Variants in DVL3 observed in about 807,000 individuals in gnomAD.
The protein encoded by DVL3 is segment polarity protein dishevelled homolog DVL-3.
In DVL3, 27 loss-of-function variants were observed where a neutral mutation model predicts 67.4. That is an observed-to-expected ratio of 0.40 (90% CI 0.30 to 0.55). The LOEUF is 0.55. DVL3 is among the 20% of genes least tolerant of loss of function. The probability of loss-of-function intolerance (pLI) is 0.46; values close to 1 mark genes in which losing one functional copy is unlikely to be tolerated. For synonymous variants in DVL3, 369 were observed against 396.8 expected, an observed-to-expected ratio of 0.93 and a Z score of 0.83; for missense variants, 819 against 1,021.5, an observed-to-expected ratio of 0.80 and a Z score of 2.70.
chr3:184,170,679 C>G lies in DVL3; in HGVS notation c.2075C>G (p.Pro692Arg), dbSNP rs201792550. 1.9e-5 allele frequency: 30 copies of G among 1,613,438 alleles called. No individual in the cohort carries two copies. Among genetic ancestry groups the G allele is most frequent in the Non-Finnish European group, 2.5e-5 (29 of 1,179,798 alleles). ...GGCCGCGACCTGGCCTCAGTGCCCCCGGAACTGACCGCCAGCAGACAGTCC... is the reference window on the plus strand; with the variant it reads ...GGCCGCGACCTGGCCTCAGTGCCCCGGGAACTGACCGCCAGCAGACAGTCC... ...PPGRDLASVP[P>R]ELTASRQSFR... The change falls in exon 15 of 15, where the codon CCG becomes CGG. Residue 692 changes from proline to arginine, a missense_variant. This residue lies in a region of DVL3 where 324 missense variants were observed against 331.3 expected (regional missense o/e 0.98). Transcript: ENST00000313143. This position sits in a 1 kb window ranked among gnomAD's most constrained non-coding sequence, Gnocchi z 6.5.
chr3:184,164,232 T>G lies in DVL3; in HGVS notation c.232-35T>G. ...ACTATCCCCTTCTCCTTGATGCTCC[T>G]GTAACATACTACTCACTCAGTTTCT... On this transcript the variant is annotated intron_variant, in intron 2 of 14. Coordinates refer to ENST00000313143, the MANE Select transcript of DVL3 (RefSeq NM_004423.4). The surrounding 1 kb of genome is among the most constrained non-coding windows in gnomAD (Gnocchi z 5.3). 6.2e-7 allele frequency: 1 copy of G among 1,609,192 alleles called. No homozygotes were observed. Among genetic ancestry groups the G allele is most frequent in the Non-Finnish European group, 8.5e-7 (1 of 1,177,564 alleles).
chr3:184,158,023 A>T (rs1339495174), intron 1 of DVL3, among the ~76,000 whole-genome samples: 1 of 152,346 alleles, frequency 6.6e-6, no homozygotes, highest in East Asian at 1.9e-4. Context: ...TAGATAGCGT[A>T]ATAGTATCTC....
At position 184,170,482 on chromosome 3, in the gene DVL3, G is replaced by A; in HGVS notation, c.1878G>A (p.Gly626=). Residue 626 remains glycine, a synonymous_variant, in exon 15 of 15, where the codon GGG becomes GGA. Transcript: ENST00000313143. The surrounding 1 kb of genome is among the most constrained non-coding windows in gnomAD (Gnocchi z 6.5). ...AGCGGGCGCCCAGCGAGCGCTCAGG[G>A]CCGGCGGCCAGCGAGCACAGCCACC... ...PRERAPSERS[G]PAASEHSHRS... The A allele has an allele frequency of 1.3e-6, 2 of 1,593,656 alleles. No homozygotes were observed. The highest frequency in any genetic ancestry group is 1.7e-6 in the Non-Finnish European group (2 of 1,170,140).
chr3:184,170,469 G>A lies in DVL3; in HGVS notation c.1865G>A (p.Ser622Asn). The stretch of plus-strand genomic sequence containing the variant: ...CGGGGGCCGCGGGAGCGGGCGCCCA[G>A]CGAGCGCTCAGGGCCGGCGGCCAGC... ...SLRGPRERAP[S>N]ERSGPAASEH... Residue 622 changes from serine to asparagine, a missense_variant, in exon 15 of 15, where the codon AGC becomes AAC. Transcript: ENST00000313143. The surrounding 1 kb of genome is among the most constrained non-coding windows in gnomAD (Gnocchi z 6.5). 6.3e-7 allele frequency: 1 copy of A among 1,587,730 alleles called. No homozygotes were observed. The highest frequency in any genetic ancestry group is 8.6e-7 in the Non-Finnish European group (1 of 1,167,624).
In DVL3 at chr3:184,164,184, C is replaced by A. The variant is rs1024225999; in HGVS notation, c.232-83C>A. ...TATTTCCTGCTTCCTTCCTCTTAGGCCTTCATGCCTTGCTGGAAGTGAACT... is the reference window on the plus strand; with the variant it reads ...TATTTCCTGCTTCCTTCCTCTTAGGACTTCATGCCTTGCTGGAAGTGAACT... On this transcript the variant is annotated intron_variant, in intron 2 of 14. Coordinates refer to ENST00000313143, the MANE Select transcript of DVL3 (RefSeq NM_004423.4). This position sits in a 1 kb window ranked among gnomAD's most constrained non-coding sequence, Gnocchi z 5.3. 2 of 1,498,282 alleles carry A rather than the reference C, an allele frequency of 1.3e-6. No individual in the cohort carries two copies. The highest frequency in any genetic ancestry group is 1.8e-6 in the Non-Finnish European group (2 of 1,094,364). 92.8% of individuals were successfully genotyped at this position (1,498,282 alleles called of 1,614,324 possible). A position where few individuals can be genotyped will look rare whatever the true frequency, so the allele number is the denominator to read the frequency against.
rs1714503618 is a variant in DVL3, at chr3:184,164,549, T to A, written c.411T>A (p.Ser137=). 1 of 1,578,632 alleles carries A rather than the reference T, an allele frequency of 6.3e-7. No individual in the cohort carries two copies. The highest frequency in any genetic ancestry group is 8.6e-7 in the Non-Finnish European group (1 of 1,162,648). The change falls in exon 4 of 15, where the codon TCT becomes TCA. Residue 137 remains serine, a synonymous_variant. Coordinates refer to ENST00000313143, the MANE Select transcript of DVL3 (RefSeq NM_004423.4). This position sits in a 1 kb window ranked among gnomAD's most constrained non-coding sequence, Gnocchi z 5.3. ...ENLDNDTETD[S]LVSAQRERPR... ...TGGACAATGACACAGAGACGGACTC[T>A]TTGGTGTCTGCCCAGCGAGAGCGGC...
chr3:184,160,525 T>C (rs1213772979), intron 1 of DVL3, among the ~76,000 whole-genome samples: 2 of 131,574 alleles, frequency 1.5e-5, no homozygotes, highest in African/African-American at 5.6e-5. Flanking sequence ...TTGACTCCAT[T>C]TGGGGTATGA....
chr3:184,169,981 C>T (rs1453425609), intron 13 of DVL3, 25 bp from the exon 14 acceptor site: 18 of 1,576,142 alleles, frequency 1.1e-5, no homozygotes, highest in Admixed American at 8.7e-5. Flanking sequence ...AAAGACCTAG[C>T]TCCATCCGGC....
At position 184,165,302 on chromosome 3, in the gene DVL3, A is replaced by G; in HGVS notation, c.693+96A>G. On this transcript the variant is annotated intron_variant, in intron 6 of 14. Coordinates refer to ENST00000313143, the MANE Select transcript of DVL3 (RefSeq NM_004423.4). The surrounding 1 kb of genome is among the most constrained non-coding windows in gnomAD (Gnocchi z 4.1). ...GTTCTTCCTTAGATCCCATCCCCCT[A>G]GTGCAGTGTTGAGAACCTTGGGGCT... 2.0e-6 allele frequency: 3 copies of G among 1,535,386 alleles called. No individual in the cohort carries two copies. The highest frequency in any genetic ancestry group is 2.7e-6 in the Non-Finnish European group (3 of 1,124,464).
Position 184,165,951 on chromosome 3 carries a change from C to T in DVL3, c.764-175C>T, listed in dbSNP as rs1213116726. On this transcript the variant is annotated intron_variant, in intron 7 of 14. Coordinates refer to ENST00000313143, the MANE Select transcript of DVL3 (RefSeq NM_004423.4). The surrounding 1 kb of genome is among the most constrained non-coding windows in gnomAD (Gnocchi z 4.1). Reference sequence around the variant, plus strand: ...CTGCTCTGTAAAATGGGACTGAGTCCCTACCTTATAGCCAGCAAGGGTTCC... The same window carrying T: ...CTGCTCTGTAAAATGGGACTGAGTCTCTACCTTATAGCCAGCAAGGGTTCC... 5.3e-5 allele frequency among the ~76,000 whole-genome samples: 8 copies of T among 152,154 alleles called. No homozygotes were observed. The highest frequency in any genetic ancestry group is 5.2e-4 in the Admixed American group (8 of 15,272).
rs1157008624 is a variant in DVL3 at position 184,165,796 on chromosome 3, C to T, written c.763+305C>T. Among the ~76,000 whole-genome samples, 2 of 152,206 alleles carry T rather than the reference C, an allele frequency of 1.3e-5. No individual in the cohort carries two copies. The highest frequency in any genetic ancestry group is 2.9e-5 in the Non-Finnish European group (2 of 68,042). ...TGCTCTCCGATTTCTGCCCTAGGTA[C>T]TCTCTTTATGAGACAGCTGGATATA... On this transcript the variant is annotated intron_variant, in intron 7 of 14. Transcript: ENST00000313143. This position sits in a 1 kb window ranked among gnomAD's most constrained non-coding sequence, Gnocchi z 4.1.
chr3:184,166,437 C>T lies in DVL3; in HGVS notation c.904-9C>T, dbSNP rs201827143. ...ACAGCTGTTTATCCCACTCCTGGTC[C>T]TTTCCCAGGTAAACGAGATCAACTT... is the stretch of plus-strand genomic sequence containing the variant. On this transcript the variant is annotated splice_polypyrimidine_tract_variant and intron_variant, in intron 8 of 14. Coordinates refer to ENST00000313143, the MANE Select transcript of DVL3 (RefSeq NM_004423.4). The surrounding 1 kb of genome is among the most constrained non-coding windows in gnomAD (Gnocchi z 6.7). The T allele has an allele frequency of 1.3e-5, 21 of 1,614,160 alleles. No homozygotes were observed. The highest frequency in any genetic ancestry group is 3.3e-4 in the Middle Eastern group (2 of 6,062).
At position 184,171,627 on chromosome 3, in the gene DVL3, G is replaced by C; in HGVS notation, c.*872G>C. On this transcript the variant is annotated 3_prime_UTR_variant, in exon 15 of 15. Transcript: ENST00000313143. ...CCCAGCGAGGGGAGGCCCAGCCTCC[G>C]AGGAGACCAGGAACCCTGCTTCAGC... 2.0e-6 allele frequency: 2 copies of C among 983,164 alleles called. No homozygotes were observed. The highest frequency in any genetic ancestry group is 5.2e-4 in the Middle Eastern group (1 of 1,912). 60.9% of individuals were successfully genotyped at this position (983,164 alleles called of 1,614,324 possible).
chr3:184,155,641 C>A lies in DVL3; in HGVS notation c.6C>A (p.Gly2=). The part of the protein sequence containing the change: M[G]ETKIIYHLDG... ...CCGGGCCCGAGGCCAGAGCCATGGG[C>A]GAGACCAAGATCATCTACCACTTGG... The change falls in exon 1 of 15, where the codon GGC becomes GGA. Residue 2 remains glycine, a synonymous_variant. Coordinates refer to ENST00000313143, the MANE Select transcript of DVL3 (RefSeq NM_004423.4). The surrounding 1 kb of genome is among the most constrained non-coding windows in gnomAD (Gnocchi z 5.4). 2 of 1,580,614 alleles carry A rather than the reference C, an allele frequency of 1.3e-6. No individual in the cohort carries two copies. Among genetic ancestry groups the A allele is most frequent in the Non-Finnish European group, 1.7e-6 (2 of 1,166,028 alleles).
At position 184,171,022 on chromosome 3, in the gene DVL3, G is replaced by C; in HGVS notation, c.*267G>C. The C allele has an allele frequency of 7.1e-7, 1 of 1,412,138 alleles. No individual in the cohort carries two copies. The highest frequency in any genetic ancestry group is 9.3e-7 in the Non-Finnish European group (1 of 1,074,068). 87.5% of individuals were successfully genotyped at this position (1,412,138 alleles called of 1,614,324 possible). A position where few individuals can be genotyped will look rare whatever the true frequency, so the allele number is the denominator to read the frequency against. On this transcript the variant is annotated 3_prime_UTR_variant, in exon 15 of 15. Transcript: ENST00000313143. ...ACTTCCCAGGACCCCTTTTGTCTCT[G>C]GGACCAGACTTGTTGGTGCTACCCC...
intron 1 of DVL3, among the ~76,000 whole-genome samples, chr3:184,158,383 C>T (rs1484458559): frequency 6.6e-6 from 1 of 151,948 alleles, no homozygotes; most frequent in Non-Finnish European, 1.5e-5. Context: ...AGTAACTTGC[C>T]TAAGGTCACA....
chr3:184,167,041 C>T lies in DVL3; in HGVS notation c.1198+66C>T. On this transcript the variant is annotated intron_variant, in intron 11 of 14. Coordinates refer to ENST00000313143, the MANE Select transcript of DVL3 (RefSeq NM_004423.4). The surrounding 1 kb of genome is among the most constrained non-coding windows in gnomAD (Gnocchi z 4.6). ...CCAGGTGGGGGGACTGATGAGGGTCCATGTGGAGACTCTTGCTTGAGCATC... is the reference window on the plus strand; with the variant it reads ...CCAGGTGGGGGGACTGATGAGGGTCTATGTGGAGACTCTTGCTTGAGCATC... The T allele has an allele frequency of 6.4e-7, 1 of 1,563,470 alleles. No individual in the cohort carries two copies. The highest frequency in any genetic ancestry group is 1.8e-5 in the Admixed American group (1 of 56,450).
At position 184,165,619 on chromosome 3, in the gene DVL3, C is replaced by T. The variant is rs991228327; in HGVS notation, c.763+128C>T. ...TCTCTTTCGTAAACATCAGCTGATA[C>T]ATAAACTGATCATTTTAGTATCTCA... On this transcript the variant is annotated intron_variant, in intron 7 of 14. Coordinates refer to ENST00000313143, the MANE Select transcript of DVL3 (RefSeq NM_004423.4). The surrounding 1 kb of genome is among the most constrained non-coding windows in gnomAD (Gnocchi z 4.1). The T allele has an allele frequency of 4.0e-6, 3 of 753,158 alleles. No individual in the cohort carries two copies. Among genetic ancestry groups the T allele is most frequent in the African/African-American group, 1.7e-5 (1 of 57,972 alleles). 46.7% of individuals were successfully genotyped at this position (753,158 alleles called of 1,614,324 possible).
Position 184,167,635 on chromosome 3 carries a change from C to T in DVL3, c.1254C>T (p.Ala418=), listed in dbSNP as rs925395627. The change falls in exon 12 of 15, where the codon GCC becomes GCT. Residue 418 remains alanine, a synonymous_variant. Transcript: ENST00000313143. This position sits in a 1 kb window ranked among gnomAD's most constrained non-coding sequence, Gnocchi z 4.6. The stretch of plus-strand genomic sequence containing the variant: ...GTGACATGGCTGCCATCGTAAAAGC[C>T]ATGGCCTCCCCTGAATCAGGGTTGG... ...IHSDMAAIVK[A]MASPESGLEV... is the part of the protein sequence containing the mutation. The T allele has an allele frequency of 6.2e-6, 10 of 1,614,190 alleles. No homozygotes were observed. The highest frequency in any genetic ancestry group is 8.5e-6 in the Non-Finnish European group (10 of 1,180,028).
Sources: gnomAD v4.1 joint callset for allele counts (sites outside exome capture counted in the v4.1 genomes callset) on GRCh38, gnomAD v4.1.1 for gene constraint, gnomAD v4.1.1 regional missense constraint, Gnocchi (gnomAD v3.1) non-coding constraint, MANE v1.5 for transcripts, NCBI Gene and HGNC (gene_info 2026-07-23, HGNC 2026-07-21) for gene names.